The following GLE1 variants were observed in gnomAD, a reference collection of about 807,000 sequenced individuals.
GLE1 encodes mRNA export factor GLE1.
Under a neutral mutation model 97.3 loss-of-function variants are expected in GLE1, and 78 were observed. That is an observed-to-expected ratio of 0.80 (90% CI 0.67 to 0.97). The LOEUF (loss-of-function observed/expected upper bound fraction) is 0.97. Among genes scored for constraint, GLE1 ranks in the 50% least tolerant of loss-of-function variants. The probability of loss-of-function intolerance (pLI) is 0.00; values close to 1 mark genes in which losing one functional copy is unlikely to be tolerated. For missense variants in GLE1, 753 were observed against 857.5 expected, an observed-to-expected ratio of 0.88 and a Z score of 1.52; for synonymous variants, 302 against 313.4, an observed-to-expected ratio of 0.96 and a Z score of 0.39.
At chr9:128,532,889 G>C (rs1847564716) in intron 9 of GLE1, among the ~76,000 whole-genome samples, 1 of 152,192 alleles carries the variant, frequency 6.6e-6, no homozygotes, top group South Asian at 2.1e-4. Context: ...ACGGAAGAAG[G>C]CAAGTCCTGA....
At chr9:128,540,552 A>G (rs1847855798) in intron 15 of GLE1, 1 of 583,244 alleles carries the variant, frequency 1.7e-6, no homozygotes, top group Non-Finnish European at 3.1e-6. Context: ...GCCTGTGAGA[A>G]AGCTATGCTG....
chr9:128,504,927 G>A (rs372000515), intron 1 of GLE1, 23 bp downstream of exon 1: 10 of 1,519,272 alleles, frequency 6.6e-6, no homozygotes, highest in Non-Finnish European at 9.1e-6. Flanking sequence ...CCCGGAGGAC[G>A]TAGGCCTTTC....
At position 128,533,498 on chromosome 9, in the gene GLE1, C is replaced by A; in HGVS notation, c.1313-15C>A. 2 of 1,497,916 alleles carry A rather than the reference C, an allele frequency of 1.3e-6. No homozygotes were observed. Among genetic ancestry groups the A allele is most frequent in the Non-Finnish European group, 1.8e-6 (2 of 1,082,490 alleles). The allele number at this position is 1,497,916 out of a possible 1,614,324, so 92.8% of individuals were successfully genotyped here. A position where few individuals can be genotyped will look rare whatever the true frequency, so the allele number is the denominator to read the frequency against. On this transcript the variant is annotated splice_polypyrimidine_tract_variant and intron_variant, in intron 9 of 15. Coordinates refer to ENST00000309971, the MANE Select transcript of GLE1 (RefSeq NM_001003722.2). ...TCTGTGGTTATATCTTTTAATTTCT[C>A]TCTATCATGCTCAGGCTCAAAACTG...
chr9:128,536,507 C>T, intron 12 of GLE1, 23 bp downstream of exon 12: 1 of 1,604,894 alleles, frequency 6.2e-7, no homozygotes, highest in Non-Finnish European at 8.5e-7. Context: ...GGCTTACTGT[C>T]AATAATGAGA....
intron 1 of GLE1, among the ~76,000 whole-genome samples, chr9:128,508,498 C>A (rs1846708756): frequency 6.6e-6 from 1 of 152,122 alleles, no homozygotes; most frequent in African/African-American, 2.4e-5. Flanking sequence ...ATCACCTAAC[C>A]CTGTGTTTCT....
chr9:128,505,202 A>G (rs572711675), intron 1 of GLE1, among the ~76,000 whole-genome samples: 80 of 152,314 alleles, frequency 5.3e-4, no homozygotes, highest in Admixed American at 1.8e-3. Flanking sequence ...TCTCGGCCCC[A>G]GGTTCAGTTA....
intron 11 of GLE1, among the ~76,000 whole-genome samples, chr9:128,534,395 A>G (rs943063573): frequency 9.5e-6 from 1 of 105,694 alleles, no homozygotes; most frequent in African/African-American, 2.7e-5. Flanking sequence ...ATATATATAC[A>G]TAGTCTTTTA....
intron 15 of GLE1, 105 bp downstream of exon 15, chr9:128,540,443 T>A (rs1411724187): frequency 6.4e-6 from 5 of 777,110 alleles, no homozygotes; most frequent in African/African-American, 1.7e-5. Context: ...ACTCTCTTCC[T>A]TAGTTCTTCC....
rs1429200746 is a variant in GLE1 at position 128,508,911 on chromosome 9, A to G, written c.135A>G (p.Leu45=). The G allele has an allele frequency of 3.1e-6, 5 of 1,609,296 alleles. No individual in the cohort carries two copies. Among genetic ancestry groups the G allele is most frequent in the South Asian group, 1.1e-5 (1 of 90,992 alleles). Residue 45 remains leucine (L), a synonymous_variant, in exon 2 of 16, where the codon CTA becomes CTG. Coordinates refer to ENST00000309971, the MANE Select transcript of GLE1 (RefSeq NM_001003722.2). ...AAGAATGTATGTCTCTTCCCAAGCT[A>G]TCTTCTTATTCTGGATGGGTGGTAG... The part of the protein sequence containing the change: ...VLEECMSLPK[L]SSYSGWVVEH...
rs764709053 is a variant in GLE1, at chr9:128,525,299, CAAG to C, written c.1007_1009del (p.Lys336del). 6.2e-7 allele frequency: 1 copy of C among 1,613,958 alleles called. No homozygotes were observed. The highest frequency in any genetic ancestry group is 8.5e-7 in the Non-Finnish European group (1 of 1,179,920). The stretch of plus-strand genomic sequence containing the variant: ...AGGAGATCACCAGAGCCTGCGAAGA[CAAG>C]AGGAGGCAGGATGAAGAAGAGGCCC... On this transcript the variant is annotated inframe_deletion, in exon 7 of 16. Transcript: ENST00000309971.
Position 128,508,894 on chromosome 9 carries a change from A to G in GLE1, c.118A>G (p.Met40Val), listed in dbSNP as rs1161294175. Residue 40 changes from methionine (M) to valine (V), a missense_variant, in exon 2 of 16, where the codon ATG becomes GTG. Coordinates refer to ENST00000309971, the MANE Select transcript of GLE1 (RefSeq NM_001003722.2). The part of the protein sequence containing the change: ...LRREDVLEEC[M>V]SLPKLSSYSG... Reference sequence around the variant, plus strand: ...TCTCTAGGATGTTTTAGAAGAATGTATGTCTCTTCCCAAGCTATCTTCTTA... The same window carrying G: ...TCTCTAGGATGTTTTAGAAGAATGTGTGTCTCTTCCCAAGCTATCTTCTTA... 3 of 1,599,530 alleles carry G rather than the reference A, an allele frequency of 1.9e-6. No individual in the cohort carries two copies. Among genetic ancestry groups the G allele is most frequent in the Non-Finnish European group, 2.6e-6 (3 of 1,166,724 alleles).
chr9:128,523,866 G>A lies in GLE1; in HGVS notation c.897+20G>A. ...TCAGAGGTGAGGGGGGCTTCAGAGT[G>A]ACTCTTTGCTGTCTTTGAAATGGAA... is the stretch of plus-strand genomic sequence containing the variant. On this transcript the variant is annotated intron_variant, in intron 6 of 15. Coordinates refer to ENST00000309971, the MANE Select transcript of GLE1 (RefSeq NM_001003722.2). The A allele has an allele frequency of 1.2e-6, 2 of 1,613,356 alleles. No individual in the cohort carries two copies. Among genetic ancestry groups the A allele is most frequent in the Middle Eastern group, 1.7e-4 (1 of 5,924 alleles).
At chr9:128,512,998 C>A (rs1339922219) in intron 2 of GLE1, among the ~76,000 whole-genome samples, 4 of 152,152 alleles carry the variant, frequency 2.6e-5, no homozygotes, top group African/African-American at 4.8e-5. Context: ...GCCACTGCGC[C>A]TGGCCTAATA....
chr9:128,504,868 C>T lies in GLE1; in HGVS notation c.63C>T (p.Arg21=), dbSNP rs1564545743. 6.2e-7 allele frequency: 1 copy of T among 1,613,206 alleles called. No homozygotes were observed. The highest frequency in any genetic ancestry group is 8.5e-7 in the Non-Finnish European group (1 of 1,179,172). The change falls in exon 1 of 16, where the codon CGC becomes CGT. Residue 21 remains arginine, a synonymous_variant. Coordinates refer to ENST00000309971, the MANE Select transcript of GLE1 (RefSeq NM_001003722.2). ...LKALRSSDKG[R]LCYYRDWLLR... is the part of the protein sequence containing the mutation. ...CCCTACGCAGTTCCGACAAAGGTCG[C>T]CTTTGCTACTACCGCGACTGGCTGC...
At position 128,523,585 on chromosome 9, in the gene GLE1, T is replaced by C. The variant is rs756876556; in HGVS notation, c.643-7T>C. On this transcript the variant is annotated splice_region_variant and splice_polypyrimidine_tract_variant and intron_variant, in intron 5 of 15. Coordinates refer to ENST00000309971, the MANE Select transcript of GLE1 (RefSeq NM_001003722.2). ...TCAGAGAGAAGTCACTCAGCCCTTT[T>C]CTACAGATTCTCAACCTGAAGCTGC... The C allele has an allele frequency of 1.7e-5, 27 of 1,613,828 alleles. No individual in the cohort carries two copies. In the South Asian group the frequency reaches 2.7e-4, roughly 16 times the overall value.
chr9:128,539,742 T>C (rs766579852), intron 14 of GLE1, 44 bp downstream of exon 14: 2 of 1,613,972 alleles, frequency 1.2e-6, no homozygotes, highest in Non-Finnish European at 1.7e-6. Flanking sequence ...AAGTAACTCA[T>C]AACCAGGCCT....
At chr9:128,513,895 G>A (rs1846898647) in intron 2 of GLE1, among the ~76,000 whole-genome samples, 1 of 151,546 alleles carries the variant, frequency 6.6e-6, no homozygotes, top group Admixed American at 6.6e-5. Context: ...GAGGGTTCCT[G>A]TAGTCCCAGC....
intron 3 of GLE1, among the ~76,000 whole-genome samples, chr9:128,518,636 G>A (rs190932042): frequency 4.8e-4 from 73 of 152,106 alleles, no homozygotes; most frequent in Admixed American, 2.1e-3. Flanking sequence ...TTGGGAGGCC[G>A]TGGTGGATGG....
chr9:128,511,065 G>A (rs966709610), intron 2 of GLE1, among the ~76,000 whole-genome samples: 2 of 151,120 alleles, frequency 1.3e-5, no homozygotes, highest in Admixed American at 6.6e-5. Context: ...TTAGCTGGGC[G>A]TCGTGGCGCA....
Sources: allele counts gnomAD v4.1 joint callset (sites outside exome capture counted in the v4.1 genomes callset), GRCh38; gene constraint gnomAD v4.1.1; transcripts MANE v1.5; gene names NCBI Gene and HGNC (gene_info 2026-07-23, HGNC 2026-07-21).